DOCK11: variants seen among roughly 807,000 people sequenced by gnomAD.
DOCK11 encodes the protein dedicator of cytokinesis protein 11.
In DOCK11, 70 loss-of-function variants were observed where a neutral mutation model predicts 169.1. That is an observed-to-expected ratio of 0.41 (90% CI 0.34 to 0.51). The LOEUF (loss-of-function observed/expected upper bound fraction) is 0.51, where lower values mean the gene tolerates loss of function less well. Ranked by LOEUF, DOCK11 falls within the 20% of genes least tolerant of loss-of-function variation. DOCK11 has a pLI of 0.10. For missense variants in DOCK11, 1,166 were observed against 1,538.8 expected, an observed-to-expected ratio of 0.76 and a Z score of 4.05; for synonymous variants, 529 against 541.3, an observed-to-expected ratio of 0.98 and a Z score of 0.32.
At chrX:118,563,632 A>T (rs1429852188) in intron 7 of DOCK11, among the ~76,000 whole-genome samples, 1 of 109,172 alleles carries the variant, frequency 9.2e-6, no homozygotes, top group Non-Finnish European at 1.9e-5. Context: ...AACGAGGCAC[A>T]CACAATTTCC....
chrX:118,597,976 A>G, intron 21 of DOCK11, 54 bp from the exon 22 acceptor site: 1 of 931,729 alleles, frequency 1.1e-6, no homozygotes, highest in East Asian at 3.1e-5. Flanking sequence ...AAGGTATTAT[A>G]TGTTATTCAT....
At chrX:118,586,142 A>G (rs1050165635) in intron 16 of DOCK11, among the ~76,000 whole-genome samples, 2 of 111,791 alleles carry the variant, frequency 1.8e-5, no homozygotes, top group African/African-American at 6.5e-5. Context: ...TCTATTGAGT[A>G]AACGTTTATT....
intron 23 of DOCK11, 101 bp from the exon 24 acceptor site, chrX:118,605,137 A>T: frequency 2.0e-6 from 1 of 507,869 alleles, no homozygotes; most frequent in Non-Finnish European, 3.3e-6. Context: ...CTTATATGCT[A>T]GTCAATGTAT....
At chrX:118,598,441 C>G (rs1357211495) in intron 22 of DOCK11, among the ~76,000 whole-genome samples, 1 of 110,129 alleles carries the variant, frequency 9.1e-6, no homozygotes, top group Admixed American at 9.8e-5. Flanking sequence ...TATAATTCCT[C>G]TCAAATTACA....
chrX:118,628,298 C>T (rs1603133598), intron 34 of DOCK11, 26 bp downstream of exon 34: 1 of 1,045,430 alleles, frequency 9.6e-7, no homozygotes, highest in Non-Finnish European at 1.3e-6. Flanking sequence ...TATAGGATGA[C>T]CCTAGTGACA....
intron 46 of DOCK11, among the ~76,000 whole-genome samples, chrX:118,674,839 T>C (rs1313689344): frequency 8.9e-6 from 1 of 112,157 alleles, no homozygotes; most frequent in African/African-American, 3.2e-5. Flanking sequence ...TTTTATTTTC[T>C]GTTTGTTTTA....
chrX:118,602,760 C>G (rs1473216902), intron 23 of DOCK11, among the ~76,000 whole-genome samples: 1 of 111,768 alleles, frequency 8.9e-6, no homozygotes, highest in Non-Finnish European at 1.9e-5. Flanking sequence ...AGGCTGGTCT[C>G]GAACTCCTGA....
intron 28 of DOCK11, among the ~76,000 whole-genome samples, chrX:118,612,938 G>A (rs1019164900): frequency 9.0e-6 from 1 of 111,589 alleles, no homozygotes; most frequent in Non-Finnish European, 1.9e-5. Flanking sequence ...TTTCTTGCTG[G>A]TATGATAGAT....
chrX:118,610,232 T>C, intron 27 of DOCK11, 40 bp from the exon 28 acceptor site: 1 of 1,200,103 alleles, frequency 8.3e-7, no homozygotes, highest in Non-Finnish European at 1.1e-6. Context: ...ATTTAGACCT[T>C]TTGGAAGTCT....
At chrX:118,570,089 G>A (rs1569419003) in intron 10 of DOCK11, among the ~76,000 whole-genome samples, 1 of 112,337 alleles carries the variant, frequency 8.9e-6, no homozygotes, top group African/African-American at 3.2e-5. Flanking sequence ...GGTTATGGAA[G>A]GCAGTGTCGC....
intron 40 of DOCK11, among the ~76,000 whole-genome samples, chrX:118,645,967 A>G (rs1477294262): frequency 9.4e-6 from 1 of 105,872 alleles, no homozygotes; most frequent in Non-Finnish European, 1.9e-5. Flanking sequence ...GAGGCAGGAG[A>G]ATCACTTGAA....
chrX:118,655,036 A>C, intron 44 of DOCK11, 75 bp downstream of exon 44: 1 of 953,052 alleles, frequency 1.0e-6, no homozygotes, highest in Non-Finnish European at 1.5e-6. Context: ...TAGTTTAGCT[A>C]TGAATATGAT....
intron 45 of DOCK11, among the ~76,000 whole-genome samples, chrX:118,665,496 A>G (rs887605494): frequency 4.5e-5 from 5 of 112,303 alleles, no homozygotes; most frequent in African/African-American, 1.6e-4. Flanking sequence ...CAGTGTATTC[A>G]TAGAAATGGC....
At chrX:118,518,520 G>A (rs2057703362) in intron 1 of DOCK11, among the ~76,000 whole-genome samples, 1 of 111,798 alleles carries the variant, frequency 8.9e-6, no homozygotes, top group African/African-American at 3.3e-5. Flanking sequence ...TCCAGCCTGG[G>A]CGACATAGTG....
chrX:118,529,809 G>A (rs934120202), intron 1 of DOCK11, among the ~76,000 whole-genome samples: 2 of 110,995 alleles, frequency 1.8e-5, no homozygotes, highest in African/African-American at 6.6e-5. Context: ...GAGGTGGGGG[G>A]AGTAGACATA....
chrX:118,671,175 CTT>C (rs2016462038), intron 46 of DOCK11, 30 bp downstream of exon 46: 1 of 1,177,778 alleles, frequency 8.5e-7, no homozygotes, highest in Non-Finnish European at 1.1e-6. Flanking sequence ...TTATCATTGA[CTT>C]ATGTATTTTA....
chrX:118,585,239 T>C, intron 16 of DOCK11, 122 bp downstream of exon 16: 1 of 608,214 alleles, frequency 1.6e-6, no homozygotes, highest in Non-Finnish European at 2.6e-6. Context: ...TAGCACAAAG[T>C]ACTGTTACAA....
At chrX:118,574,145 A>AT in intron 12 of DOCK11, 127 bp downstream of exon 12, 1 of 729,427 alleles carries the variant, frequency 1.4e-6, no homozygotes, top group Non-Finnish European at 1.9e-6. Context: ...GTCGATAGAG[A>AT]TTTTTCTGGT....
chrX:118,497,120 GTTGTTTTTGT>G (rs1225130786), intron 1 of DOCK11, among the ~76,000 whole-genome samples: 1 of 112,526 alleles, frequency 8.9e-6, no homozygotes, highest in Non-Finnish European at 1.9e-5. Flanking sequence ...TTTTTTGGTT[GTTGTTTTTGT>G]TTGTTTTTGT....
Sources: gnomAD v4.1 joint callset for allele counts (sites outside exome capture counted in the v4.1 genomes callset) on GRCh38, gnomAD v4.1.1 for gene constraint, MANE v1.5 for transcripts, NCBI Gene and HGNC (gene_info 2026-07-23, HGNC 2026-07-21) for gene names.